Variants in BGN observed in about 807,000 individuals in gnomAD.
The protein encoded by BGN is biglycan, also known as bone/cartilage proteoglycan-I.
In BGN, 6 loss-of-function variants were observed where a neutral mutation model predicts 20.0. That is an observed-to-expected ratio of 0.30 (90% CI 0.16 to 0.59). The LOEUF (loss-of-function observed/expected upper bound fraction) is 0.59, where lower values mean the gene tolerates loss of function less well. Ranked by LOEUF, BGN falls within the 20% of genes least tolerant of loss-of-function variation. The probability of loss-of-function intolerance (pLI) is 0.88; values close to 1 mark genes in which losing one functional copy is unlikely to be tolerated. For missense variants in BGN, 292 were observed against 312.1 expected, an observed-to-expected ratio of 0.94 and a Z score of 0.49; for synonymous variants, 146 against 134.6, an observed-to-expected ratio of 1.08 and a Z score of -0.59.
intron 1 of BGN, among the ~76,000 whole-genome samples, chrX:153,496,605 G>A (rs1040290983): frequency 6.1e-4 from 69 of 112,239 alleles, no homozygotes; most frequent in African/African-American, 2.1e-3. Flanking sequence ...GCCAGCTGTG[G>A]GTGGCAGCCC....
rs2089825376 is a variant in BGN at position 153,509,061 on chromosome X, C to CCGTGTG, written c.*616_*617insCGTGTG. ...TCTCTCTCTCTCTCTCTCTCTCTTT[C>CCGTGTG]TGTGTGTGTGTGTGTGTGTGTGTGT... On this transcript the variant is annotated 3_prime_UTR_variant, in exon 8 of 8. Transcript: ENST00000331595. 1.2e-5 allele frequency: 1 copy of CCGTGTG among 83,924 alleles called. No individual in the cohort carries two copies. Among genetic ancestry groups the CCGTGTG allele is most frequent in the African/African-American group, 5.1e-5 (1 of 19,588 alleles). 6.9% of individuals were successfully genotyped at this position (83,924 alleles called of 1,213,427 possible). A position where few individuals can be genotyped will look rare whatever the true frequency, so the allele number is the denominator to read the frequency against.
intron 1 of BGN, among the ~76,000 whole-genome samples, chrX:153,497,871 G>A (rs189237126): frequency 1.8e-5 from 2 of 112,197 alleles, no homozygotes; most frequent in Non-Finnish European, 3.8e-5. Flanking sequence ...TGCCCCCTTC[G>A]CTGTTTCGCT....
rs1569532335 is a variant in BGN at position 153,504,600 on chromosome X, TC to T, written c.-11-17del. 4 of 1,130,585 alleles carry T rather than the reference TC, an allele frequency of 3.5e-6. No homozygotes were observed. The South Asian group carries it at 7.7e-5, about 22-fold the overall frequency. 93.2% of individuals were successfully genotyped at this position (1,130,585 alleles called of 1,213,427 possible). A position where few individuals can be genotyped will look rare whatever the true frequency, so the allele number is the denominator to read the frequency against. ...GACAGGTGGGTGCTGGTGCTGATGA[TC>T]CCCTCGCCTCTTCCCCCAGGTCCAT... is the stretch of plus-strand genomic sequence containing the variant. On this transcript the variant is annotated intron_variant, in intron 1 of 7. Transcript: ENST00000331595.
At chrX:153,504,517 G>A in intron 1 of BGN, 104 bp from the exon 2 acceptor site, 3 of 696,701 alleles carry the variant, frequency 4.3e-6, no homozygotes, top group Non-Finnish European at 6.3e-6. Flanking sequence ...CGTCCCTGGT[G>A]AGGGATGGGA....
chrX:153,502,978 CA>C (rs2089771291), intron 1 of BGN, among the ~76,000 whole-genome samples: 1 of 112,413 alleles, frequency 8.9e-6, no homozygotes, highest in African/African-American at 3.2e-5. Flanking sequence ...GATGCCAATG[CA>C]GGGGGGACGC....
In BGN at chrX:153,505,330, A is replaced by G. The variant is rs782696638; in HGVS notation, c.331A>G (p.Lys111Glu). 1.5e-5 allele frequency: 18 copies of G among 1,206,848 alleles called. No homozygotes were observed. Among genetic ancestry groups the G allele is most frequent in the African/African-American group, 3.5e-5 (2 of 57,025 alleles). Residue 111 changes from lysine (K) to glutamate (E), a missense_variant, in exon 3 of 8, where the codon AAG becomes GAG. By Grantham distance (56) the Lys-to-Glu change is moderately conservative. Coordinates refer to ENST00000331595, the MANE Select transcript of BGN (RefSeq NM_001711.6). Reference sequence around the variant, plus strand: ...CTCCGAGCTCCGCAAGGATGACTTCAAGGGTCTCCAGCACCTCTACGTAAG... The same window carrying G: ...CTCCGAGCTCCGCAAGGATGACTTCGAGGGTCTCCAGCACCTCTACGTAAG... ...DISELRKDDF[K>E]GLQHLYALVL...
At chrX:153,496,948 G>GCCCACCC (rs782279186) in intron 1 of BGN, among the ~76,000 whole-genome samples, 4,063 of 57,182 alleles carry the variant, frequency 0.071, 356 homozygotes, top group African/African-American at 0.2. Flanking sequence ...TGCTTCCCGG[G>GCCCACCC]CCCACCCCCC....
intron 1 of BGN, among the ~76,000 whole-genome samples, chrX:153,499,978 C>T (rs1391138294): frequency 1.8e-5 from 2 of 113,388 alleles, no homozygotes; most frequent in African/African-American, 6.4e-5. Context: ...GGGGCAGACG[C>T]CCAGGGCTGA....
rs941678754 is a variant in BGN at position 153,502,915 on chromosome X, A to G, written c.-11-1706A>G. Among the ~76,000 whole-genome samples the G allele has an allele frequency of 2.7e-5, 3 of 112,349 alleles. No individual in the cohort carries two copies. In the East Asian group the frequency reaches 8.5e-4, roughly 32 times the overall value. ...CAGCCGCTATAGCCACAGCCTCACCACAGGCCCCTCTGTCCACAGGTGTGG... is the reference window on the plus strand; with the variant it reads ...CAGCCGCTATAGCCACAGCCTCACCGCAGGCCCCTCTGTCCACAGGTGTGG... On this transcript the variant is annotated intron_variant, in intron 1 of 7. Coordinates refer to ENST00000331595, the MANE Select transcript of BGN (RefSeq NM_001711.6).
intron 1 of BGN, among the ~76,000 whole-genome samples, chrX:153,504,154 C>A (rs7055188): frequency 9.0e-6 from 1 of 111,184 alleles, no homozygotes; most frequent in Non-Finnish European, 1.9e-5. Flanking sequence ...AAGGAAGGAT[C>A]GGCCCGGGTA....
Position 153,501,099 on chromosome X carries a change from A to G in BGN, c.-11-3522A>G, listed in dbSNP as rs373211295. Among the ~76,000 whole-genome samples, 254 of 108,358 alleles carry G rather than the reference A, an allele frequency of 2.3e-3. 1 individual carries two copies. The highest frequency in any genetic ancestry group is 7.8e-3 in the African/African-American group (229 of 29,492). 94.1% of individuals were successfully genotyped at this position (108,358 alleles called of 115,157 possible). On this transcript the variant is annotated intron_variant, in intron 1 of 7. Coordinates refer to ENST00000331595, the MANE Select transcript of BGN (RefSeq NM_001711.6). ...ATATGTGTTTTGTATAGGTGTGTGC[A>G]TGTGTGTGTGCACGTGTGTACATAT...
intron 1 of BGN, among the ~76,000 whole-genome samples, chrX:153,501,064 A>G (rs1440381296): frequency 2.8e-5 from 3 of 106,868 alleles, no homozygotes; most frequent in African/African-American, 7.0e-5. Context: ...ATGCATGTGG[A>G]TGTGTGTACA....
chrX:153,500,552 G>A (rs1464986711), intron 1 of BGN, among the ~76,000 whole-genome samples: 5 of 112,193 alleles, frequency 4.5e-5, no homozygotes, highest in Non-Finnish European at 7.5e-5. Flanking sequence ...TGGGGTCCCC[G>A]CCTGCCTTAT....
At chrX:153,502,665 G>A (rs2089768924) in intron 1 of BGN, among the ~76,000 whole-genome samples, 1 of 113,208 alleles carries the variant, frequency 8.8e-6, no homozygotes. Flanking sequence ...CAGGCCCTGG[G>A]CTGCAACTGT....
chrX:153,495,222 C>T (rs1476592081), intron 1 of BGN, 109 bp downstream of exon 1: 2 of 111,380 alleles, frequency 1.8e-5, no homozygotes, highest in African/African-American at 6.6e-5. Flanking sequence ...GCGAGGGTGT[C>T]CACAGATTTC....
In BGN at chrX:153,508,577, C is replaced by T; in HGVS notation, c.*132C>T. 1.3e-6 allele frequency: 1 copy of T among 775,962 alleles called. No individual in the cohort carries two copies. 63.9% of individuals were successfully genotyped at this position (775,962 alleles called of 1,213,427 possible). On this transcript the variant is annotated 3_prime_UTR_variant, in exon 8 of 8. Transcript: ENST00000331595. The stretch of plus-strand genomic sequence containing the variant: ...TCCAACCCAGCCCCCCACCTCGGGT[C>T]CCTGACCCCAGCTCGATGCCCCATC...
At chrX:153,500,814 C>T (rs2089753253) in intron 1 of BGN, among the ~76,000 whole-genome samples, 1 of 102,607 alleles carries the variant, frequency 9.7e-6, no homozygotes, top group African/African-American at 3.6e-5. Flanking sequence ...TGCATGTGTG[C>T]ATGTGTGTAT....
chrX:153,502,477 G>A (rs1234801073), intron 1 of BGN, among the ~76,000 whole-genome samples: 1 of 112,232 alleles, frequency 8.9e-6, no homozygotes, highest in Non-Finnish European at 1.9e-5. Flanking sequence ...TTCTGCCCCC[G>A]GGTGTCCACT....
Position 153,508,661 on chromosome X carries a change from T to G in BGN, c.*216T>G. Reference sequence around the variant, plus strand: ...GGCGCAAGGCCCGGCCCCCATCACATGTTCCCTTGGCCTCAGAGCTGCCCC... The same window carrying G: ...GGCGCAAGGCCCGGCCCCCATCACAGGTTCCCTTGGCCTCAGAGCTGCCCC... On this transcript the variant is annotated 3_prime_UTR_variant, in exon 8 of 8. Coordinates refer to ENST00000331595, the MANE Select transcript of BGN (RefSeq NM_001711.6). The G allele has an allele frequency of 2.2e-6, 1 of 459,149 alleles. No homozygotes were observed. Among genetic ancestry groups the G allele is most frequent in the East Asian group, 3.8e-5 (1 of 26,538 alleles). 37.8% of individuals were successfully genotyped at this position (459,149 alleles called of 1,213,427 possible).
Sources: allele counts gnomAD v4.1 joint callset (sites outside exome capture counted in the v4.1 genomes callset), GRCh38; gene constraint gnomAD v4.1.1; transcripts MANE v1.5; gene names NCBI Gene and HGNC (gene_info 2026-07-23, HGNC 2026-07-21).